PDGFD: variants seen among roughly 807,000 people sequenced by gnomAD.
PDGFD encodes platelet-derived growth factor D.
Under a neutral mutation model 44.7 loss-of-function variants are expected in PDGFD, and 30 were observed. That is an observed-to-expected ratio of 0.67 (90% CI 0.50 to 0.91). PDGFD has a LOEUF of 0.91. Ranked by LOEUF, PDGFD falls within the 40% of genes least tolerant of loss-of-function variation. The pLI is 0.00. For missense variants in PDGFD, 445 were observed against 457.8 expected, an observed-to-expected ratio of 0.97 and a Z score of 0.25; for synonymous variants, 173 against 168.4, an observed-to-expected ratio of 1.03 and a Z score of -0.21.
At chr11:104,065,343 A>G (rs780154838) in intron 1 of PDGFD, among the ~76,000 whole-genome samples, 10 of 152,166 alleles carry the variant, frequency 6.6e-5, no homozygotes, top group Non-Finnish European at 1.0e-4. Context: ...TAGACTTCAA[A>G]TATACATTTC....
intron 3 of PDGFD, among the ~76,000 whole-genome samples, chr11:103,965,321 A>T (rs770088014): frequency 6.6e-6 from 1 of 152,200 alleles, no homozygotes; most frequent in Non-Finnish European, 1.5e-5. Flanking sequence ...TTTAGAGAAG[A>T]TGTTAAGGGA....
At chr11:104,085,766 T>G (rs1247140237) in intron 1 of PDGFD, among the ~76,000 whole-genome samples, 2 of 152,214 alleles carry the variant, frequency 1.3e-5, no homozygotes, top group East Asian at 3.8e-4. Context: ...TATCTCCTTC[T>G]GCATTCAATG....
intron 1 of PDGFD, among the ~76,000 whole-genome samples, chr11:104,083,061 T>C (rs1861069853): frequency 6.6e-6 from 1 of 152,232 alleles, no homozygotes; most frequent in African/African-American, 2.4e-5. Flanking sequence ...TGACCCCATA[T>C]ATTTTAGGTT....
chr11:104,112,674 T>C lies in PDGFD; in HGVS notation c.124+51130A>G, dbSNP rs1043836804. ...AAGAAAATATGGTACATATATGACA[T>C]GGAATACTATCCAGCCATAAAAAAG... On this transcript the variant is annotated intron_variant, in intron 1 of 6. Transcript: ENST00000393158. 3.3e-5 allele frequency among the ~76,000 whole-genome samples: 5 copies of C among 152,090 alleles called. No homozygotes were observed. The East Asian group carries it at 7.7e-4, about 23-fold the overall frequency.
intron 1 of PDGFD, among the ~76,000 whole-genome samples, chr11:104,102,688 TCA>T (rs1861407133): frequency 6.6e-6 from 1 of 152,132 alleles, no homozygotes; most frequent in East Asian, 1.9e-4. Context: ...CAAATGTCCA[TCA>T]GTGATAGACT....
chr11:104,020,755 G>A (rs1859937249), intron 1 of PDGFD, among the ~76,000 whole-genome samples: 1 of 151,954 alleles, frequency 6.6e-6, no homozygotes, highest in Admixed American at 6.6e-5. Context: ...TATGCTACTG[G>A]TCAAGAATTC....
intron 5 of PDGFD, among the ~76,000 whole-genome samples, chr11:103,931,179 A>C (rs753761707): frequency 9.9e-5 from 15 of 152,220 alleles, no homozygotes; most frequent in Non-Finnish European, 1.9e-4. Flanking sequence ...ATTCCTTATT[A>C]AAGTGAAACA....
intron 3 of PDGFD, among the ~76,000 whole-genome samples, chr11:103,956,100 T>C (rs767943637): frequency 6.9e-4 from 104 of 151,382 alleles, no homozygotes; most frequent in Non-Finnish European, 1.3e-3. Flanking sequence ...TTAAGGTACA[T>C]GTGGACAATG....
chr11:103,984,877 T>G (rs1410494244), intron 3 of PDGFD, among the ~76,000 whole-genome samples: 1 of 139,452 alleles, frequency 7.2e-6, no homozygotes, highest in Non-Finnish European at 1.5e-5. Context: ...TCTAATATAG[T>G]TATATTTATT....
At chr11:103,952,568 G>A (rs1206595048) in intron 3 of PDGFD, among the ~76,000 whole-genome samples, 1 of 152,146 alleles carries the variant, frequency 6.6e-6, no homozygotes, top group African/African-American at 2.4e-5. Context: ...GGTCTGATAT[G>A]AGCAAACTGA....
intron 1 of PDGFD, among the ~76,000 whole-genome samples, chr11:104,088,932 A>AG (rs1861172901): frequency 2.6e-5 from 4 of 151,726 alleles, no homozygotes; most frequent in African/African-American, 9.7e-5. Context: ...GGGGGAAAAA[A>AG]AAAACTACGG....
chr11:104,146,643 C>G (rs939219553), intron 1 of PDGFD, among the ~76,000 whole-genome samples: 8 of 152,124 alleles, frequency 5.3e-5, no homozygotes, highest in Admixed American at 1.3e-4. Context: ...AGGGGCCAAT[C>G]AAGGGGATGG....
chr11:104,052,648 G>A (rs1208294071), intron 1 of PDGFD, among the ~76,000 whole-genome samples: 2 of 152,062 alleles, frequency 1.3e-5, no homozygotes, highest in Non-Finnish European at 2.9e-5. Context: ...GGCTAATGTT[G>A]TATGGCTGAC....
intron 1 of PDGFD, among the ~76,000 whole-genome samples, chr11:104,078,812 TTCA>T (rs1861004497): frequency 1.9e-5 from 1 of 52,030 alleles, no homozygotes; most frequent in African/African-American, 2.0e-4. Context: ...TGTTTAGGCA[TTCA>T]GCTATTTACC....
At chr11:104,129,878 G>C (rs7396388) in intron 1 of PDGFD, among the ~76,000 whole-genome samples, 1 of 151,466 alleles carries the variant, frequency 6.6e-6, no homozygotes, top group Non-Finnish European at 1.5e-5. Flanking sequence ...GCATGGTGGC[G>C]CATGCCTGTA....
At chr11:104,019,531 T>C (rs1859918094) in intron 1 of PDGFD, among the ~76,000 whole-genome samples, 1 of 152,176 alleles carries the variant, frequency 6.6e-6, no homozygotes, top group Non-Finnish European at 1.5e-5. Context: ...TTGTGCAAAG[T>C]ACAATGGCAG....
chr11:104,064,881 T>C (rs565384477), intron 1 of PDGFD, among the ~76,000 whole-genome samples: 5 of 152,342 alleles, frequency 3.3e-5, no homozygotes, highest in East Asian at 1.9e-4. Context: ...ATGGTTAATA[T>C]TGAGTGTCAA....
intron 3 of PDGFD, among the ~76,000 whole-genome samples, chr11:103,955,687 T>G (rs1046358028): frequency 1.3e-5 from 2 of 152,148 alleles, no homozygotes; most frequent in Non-Finnish European, 2.9e-5. Context: ...TCAAAGAATA[T>G]CTCTCAAAGT....
chr11:104,092,852 C>T (rs556329342), intron 1 of PDGFD, among the ~76,000 whole-genome samples: 1 of 152,268 alleles, frequency 6.6e-6, no homozygotes, highest in Admixed American at 6.5e-5. Context: ...AACATTTGTC[C>T]TGCATGCTTA....
Sources: gnomAD v4.1 joint callset for allele counts (sites outside exome capture counted in the v4.1 genomes callset) on GRCh38, gnomAD v4.1.1 for gene constraint, MANE v1.5 for transcripts, NCBI Gene and HGNC (gene_info 2026-07-23, HGNC 2026-07-21) for gene names.